Variants in ISM1 observed in about 807,000 individuals in gnomAD.
ISM1 encodes isthmin 1, also known as isthmin-1.
A neutral mutation model predicts 46.3 loss-of-function variants in ISM1; 25 were observed. The observed-to-expected ratio is 0.54, with a 90% CI of 0.39 to 0.75. The LOEUF is 0.75. Among genes scored for constraint, ISM1 ranks in the 30% least tolerant of loss-of-function variants. ISM1 has a pLI of 0.00. For missense variants in ISM1, 536 were observed against 625.4 expected, an observed-to-expected ratio of 0.86 and a Z score of 1.52; for synonymous variants, 255 against 256.7, an observed-to-expected ratio of 0.99 and a Z score of 0.06.
At chr20:13,223,222 C>T (rs928987114) in intron 1 of ISM1, among the ~76,000 whole-genome samples, 1 of 150,878 alleles carries the variant, frequency 6.6e-6, no homozygotes, top group Non-Finnish European at 1.5e-5. Context: ...ATGAAATAAG[C>T]ATTATTCATT....
At chr20:13,310,239 T>C in the ISM1 span, among the ~76,000 whole-genome samples, 2 of 152,138 alleles carry the variant, frequency 1.3e-5, no homozygotes, top group African/African-American at 4.8e-5. Flanking sequence ...TATAAATCAA[T>C]GGAGCAGAAT....
At chr20:13,324,171 T>G in the ISM1 span, among the ~76,000 whole-genome samples, 1 of 152,202 alleles carries the variant, frequency 6.6e-6, no homozygotes, top group Non-Finnish European at 1.5e-5. Flanking sequence ...TCACGAATGC[T>G]TGTGTACCTG....
At chr20:13,258,585 T>TCC (rs2039952886) in intron 1 of ISM1, among the ~76,000 whole-genome samples, 1 of 152,106 alleles carries the variant, frequency 6.6e-6, no homozygotes, top group Non-Finnish European at 1.5e-5. Context: ...GTTGAACATC[T>TCC]CCCCCTTCAT....
intron 1 of ISM1, among the ~76,000 whole-genome samples, chr20:13,240,125 A>G (rs2039701925): frequency 6.6e-6 from 1 of 152,224 alleles, no homozygotes; most frequent in Admixed American, 6.5e-5. Flanking sequence ...GCCCAGCCAC[A>G]TGGCATTCTA....
intron 3 of ISM1, among the ~76,000 whole-genome samples, chr20:13,284,748 C>G (rs975859684): frequency 6.6e-6 from 1 of 152,186 alleles, no homozygotes; most frequent in African/African-American, 2.4e-5. Flanking sequence ...AGTTTCACTT[C>G]ACTGTCAGCC....
Position 13,279,888 on chromosome 20 carries a change from G to A in ISM1, c.633G>A (p.Gln211=). Residue 211 remains glutamine (Q), a synonymous_variant, in exon 3 of 6, where the codon CAG becomes CAA. Transcript: ENST00000262487. ...PGHRTFETKD[Q]PEYDSTDGEG... The stretch of plus-strand genomic sequence containing the variant: ...ACCGGACTTTTGAAACCAAAGATCA[G>A]CCAGAATATGGTGAGTTTACCACCT... 6.2e-7 allele frequency: 1 copy of A among 1,613,884 alleles called. No individual in the cohort carries two copies. Among genetic ancestry groups the A allele is most frequent in the Non-Finnish European group, 8.5e-7 (1 of 1,179,846 alleles).
intron 4 of ISM1, among the ~76,000 whole-genome samples, chr20:13,290,451 C>A (rs2040340178): frequency 6.6e-6 from 1 of 152,150 alleles, no homozygotes; most frequent in Non-Finnish European, 1.5e-5. Flanking sequence ...AGATCGAGAC[C>A]ATCCTGGCTA....
intron 1 of ISM1, among the ~76,000 whole-genome samples, chr20:13,263,137 G>A (rs2040005937): frequency 6.6e-6 from 1 of 152,138 alleles, no homozygotes; most frequent in Non-Finnish European, 1.5e-5. Flanking sequence ...GCATTGCACT[G>A]TCATGCTTGC....
At chr20:13,258,648 C>A (rs1245466328) in intron 1 of ISM1, among the ~76,000 whole-genome samples, 1 of 152,100 alleles carries the variant, frequency 6.6e-6, no homozygotes, top group Non-Finnish European at 1.5e-5. Context: ...TTTTCTCGAA[C>A]CTCAGTTAAC....
chr20:13,260,692 G>C (rs2039979806), intron 1 of ISM1, among the ~76,000 whole-genome samples: 1 of 151,594 alleles, frequency 6.6e-6, no homozygotes, highest in Non-Finnish European at 1.5e-5. Flanking sequence ...GAGCTGAATA[G>C]AGTGAGAGGC....
the ISM1 span, among the ~76,000 whole-genome samples, chr20:13,312,613 T>A: frequency 6.6e-6 from 1 of 152,148 alleles, no homozygotes; most frequent in South Asian, 2.1e-4. Context: ...CACCTTCCAC[T>A]CTCTCCTGCT....
At position 13,266,389 on chromosome 20, in the gene ISM1, C is replaced by T. The variant is rs1600526587; in HGVS notation, c.139-4115C>T. On this transcript the variant is annotated intron_variant, in intron 1 of 5. Transcript: ENST00000262487. ...TAAATAATTTGACCAATGAAGATCACCTGCCTCAGCAATGGAAGAGTTCAT... is the reference window on the plus strand; with the variant it reads ...TAAATAATTTGACCAATGAAGATCATCTGCCTCAGCAATGGAAGAGTTCAT... 2.6e-5 allele frequency among the ~76,000 whole-genome samples: 4 copies of T among 152,124 alleles called. No individual in the cohort carries two copies. The East Asian group carries it at 7.7e-4, about 29-fold the overall frequency.
Position 13,292,357 on chromosome 20 carries a change from C to T in ISM1, c.788-17C>T. ...TTCCATGTAATGATGGAAAAATGAG[C>T]TCTTGTCTGTGTTTAGGAATTGAAG... On this transcript the variant is annotated splice_polypyrimidine_tract_variant and intron_variant, in intron 4 of 5. Coordinates refer to ENST00000262487, the MANE Select transcript of ISM1 (RefSeq NM_080826.2). 1 of 1,536,868 alleles carries T rather than the reference C, an allele frequency of 6.5e-7. No homozygotes were observed. Among genetic ancestry groups the T allele is most frequent in the Non-Finnish European group, 8.9e-7 (1 of 1,123,508 alleles).
intron 1 of ISM1, among the ~76,000 whole-genome samples, chr20:13,237,300 A>G (rs891952053): frequency 1.3e-5 from 2 of 152,258 alleles, no homozygotes; most frequent in Non-Finnish European, 2.9e-5. Context: ...TAATGTTCAT[A>G]GCAGCACTGT....
the ISM1 span, among the ~76,000 whole-genome samples, chr20:13,307,938 G>A: frequency 6.6e-6 from 1 of 152,174 alleles, no homozygotes; most frequent in Non-Finnish European, 1.5e-5. Context: ...ATTTCCATGG[G>A]GAGTGGAATT....
chr20:13,304,439 A>G (rs1400233294), downstream of ISM1, among the ~76,000 whole-genome samples: 1 of 152,172 alleles, frequency 6.6e-6, no homozygotes, highest in Non-Finnish European at 1.5e-5. Context: ...CCTTGTCTAT[A>G]AATTGGGGTA....
At chr20:13,311,125 C>T in the ISM1 span, among the ~76,000 whole-genome samples, 1 of 151,984 alleles carries the variant, frequency 6.6e-6, no homozygotes, top group Admixed American at 6.6e-5. Flanking sequence ...ACCCGGGAAG[C>T]GGAGGTTGCA....
At chr20:13,234,501 C>A (rs142207175) in intron 1 of ISM1, among the ~76,000 whole-genome samples, 1 of 152,056 alleles carries the variant, frequency 6.6e-6, no homozygotes, top group Non-Finnish European at 1.5e-5. Context: ...AATGGTAGTT[C>A]TCTTTTTGGT....
chr20:13,306,866 G>A, the ISM1 span, among the ~76,000 whole-genome samples: 1 of 152,150 alleles, frequency 6.6e-6, no homozygotes, highest in African/African-American at 2.4e-5. Flanking sequence ...GTCCCATGCT[G>A]GTGGCTACAG....
Sources: gnomAD v4.1 joint callset for allele counts (sites outside exome capture counted in the v4.1 genomes callset) on GRCh38, gnomAD v4.1.1 for gene constraint, MANE v1.5 for transcripts, NCBI Gene and HGNC (gene_info 2026-07-23, HGNC 2026-07-21) for gene names.